ATP11B: variants seen among roughly 807,000 people sequenced by gnomAD.
ATP11B encodes ATPase phospholipid transporting 11B (putative).
In ATP11B, 81 loss-of-function variants were observed where a neutral mutation model predicts 157.8. The observed-to-expected ratio is 0.51, with a 90% CI of 0.43 to 0.62. The LOEUF (loss-of-function observed/expected upper bound fraction) is 0.62, where lower values mean the gene tolerates loss of function less well. ATP11B is among the 20% of genes least tolerant of loss of function. The pLI is 0.00. For synonymous variants in ATP11B, 451 were observed against 469.4 expected, an observed-to-expected ratio of 0.96 and a Z score of 0.51; for missense variants, 1,165 against 1,402.2, an observed-to-expected ratio of 0.83 and a Z score of 2.70.
chr3:182,845,436 G>T lies in ATP11B; in HGVS notation c.705-22G>T, dbSNP rs747650546. ...GTTTTTAATATATTCAGTGCTTTAT[G>T]GTTATTTTCTTTTTTTCCTAGACCT... On this transcript the variant is annotated intron_variant, in intron 8 of 29. Coordinates refer to ENST00000323116, the MANE Select transcript of ATP11B (RefSeq NM_014616.3). 5.1e-6 allele frequency: 8 copies of T among 1,582,460 alleles called. No homozygotes were observed. In the East Asian group the frequency reaches 1.6e-4, roughly 31 times the overall value.
chr3:182,829,268 A>G (rs1717949722), intron 3 of ATP11B, among the ~76,000 whole-genome samples: 1 of 152,170 alleles, frequency 6.6e-6, no homozygotes, highest in Admixed American at 6.5e-5. Context: ...ATGTAACAAA[A>G]TCACTTATAG....
At chr3:182,827,906 T>C (rs965448272) in intron 2 of ATP11B, among the ~76,000 whole-genome samples, 1 of 151,814 alleles carries the variant, frequency 6.6e-6, no homozygotes, top group Non-Finnish European at 1.5e-5. Flanking sequence ...TTTTCAAAAT[T>C]AAGCTAAAAT....
chr3:182,867,448 A>AT lies in ATP11B; in HGVS notation c.1688+12dup, dbSNP rs762300397. On this transcript the variant is annotated splice_donor_region_variant and intron_variant, in intron 15 of 29. Coordinates refer to ENST00000323116, the MANE Select transcript of ATP11B (RefSeq NM_014616.3). The stretch of plus-strand genomic sequence containing the variant: ...AAACTCTTGGAAAACTGGAACGGTA[A>AT]TTTTTTTTCATATATTGGAATGTTT... The AT allele has an allele frequency of 1.4e-5, 22 of 1,582,420 alleles. No homozygotes were observed. The highest frequency in any genetic ancestry group is 1.7e-5 in the Admixed American group (1 of 59,884).
At chr3:182,828,792 T>TA in intron 3 of ATP11B, among the ~76,000 whole-genome samples, 1 of 151,964 alleles carries the variant, frequency 6.6e-6, no homozygotes, top group South Asian at 2.1e-4. Flanking sequence ...TATATATGTA[T>TA]ATAAAATCAA....
chr3:182,882,125 G>A (rs1053805185), intron 21 of ATP11B, among the ~76,000 whole-genome samples: 1 of 152,104 alleles, frequency 6.6e-6, no homozygotes, highest in Non-Finnish European at 1.5e-5. Context: ...GCTAATTCCT[G>A]TTCTGGAATA....
chr3:182,820,185 ATAAAGC>A, intron 1 of ATP11B, 69 bp from the exon 2 acceptor site: 2 of 965,252 alleles, frequency 2.1e-6, no homozygotes, highest in Non-Finnish European at 1.7e-6. Flanking sequence ...GACCAGCTAA[ATAAAGC>A]TAACAGTAAA....
rs1369650759 is a variant in ATP11B, at chr3:182,865,590, T to C, written c.1335T>C (p.Ser445=). ...RLVPEGPTPD[S]SEGNLSYLSS... ...TACCCGAAGGACCAACACCAGACTC[T>C]TCAGAAGGAAACTTATCTTATCTTA... is the stretch of plus-strand genomic sequence containing the variant. The change falls in exon 13 of 30, where the codon TCT becomes TCC. Residue 445 remains serine, a synonymous_variant. Transcript: ENST00000323116. 4 of 1,613,898 alleles carry C rather than the reference T, an allele frequency of 2.5e-6. No individual in the cohort carries two copies. The South Asian group carries it at 4.4e-5, about 18-fold the overall frequency.
chr3:182,910,743 A>C (rs1724720699), intron 28 of ATP11B, among the ~76,000 whole-genome samples: 1 of 152,184 alleles, frequency 6.6e-6, no homozygotes, highest in African/African-American at 2.4e-5. Flanking sequence ...ACCAGCTTTG[A>C]GCAAAGCACA....
At position 182,898,625 on chromosome 3, in the gene ATP11B, G is replaced by A. The variant is rs201824490; in HGVS notation, c.3171G>A (p.Gln1057=). 3.1e-6 allele frequency: 5 copies of A among 1,597,748 alleles called. No homozygotes were observed. In the South Asian group the frequency reaches 4.6e-5, roughly 15 times the overall value. ...GGILWPFLGS[Q]NMYFVFIQLL... is the part of the protein sequence containing the mutation. Reference sequence around the variant, plus strand: ...TTTGCAGGCCATTTTTGGGCTCCCAGAATATGTATTTTGTGTTTATTCAGC... The same window carrying A: ...TTTGCAGGCCATTTTTGGGCTCCCAAAATATGTATTTTGTGTTTATTCAGC... The change falls in exon 28 of 30, where the codon CAG becomes CAA. Residue 1057 remains glutamine (Q), a synonymous_variant. Transcript: ENST00000323116.
At chr3:182,899,746 CTAGT>C (rs1437589100) in intron 28 of ATP11B, among the ~76,000 whole-genome samples, 3 of 152,086 alleles carry the variant, frequency 2.0e-5, no homozygotes, top group African/African-American at 7.2e-5. Flanking sequence ...TGTTACCTTT[CTAGT>C]GAAGATTAAA....
intron 5 of ATP11B, 80 bp from the exon 6 acceptor site, chr3:182,836,262 C>G: frequency 1.3e-6 from 2 of 1,581,254 alleles, no homozygotes. Context: ...CTGTGATAGG[C>G]TGCTTCTTTA....
rs1476827078 is a variant in ATP11B at position 182,793,691 on chromosome 3, C to T, written c.-69C>T. 3.5e-6 allele frequency: 4 copies of T among 1,154,824 alleles called. No individual in the cohort carries two copies. Among genetic ancestry groups the T allele is most frequent in the Non-Finnish European group, 4.7e-6 (4 of 849,074 alleles). The allele number at this position is 1,154,824 out of a possible 1,614,324, so 71.5% of individuals were successfully genotyped here. A position where few individuals can be genotyped will look rare whatever the true frequency, so the allele number is the denominator to read the frequency against. On this transcript the variant is annotated 5_prime_UTR_variant, in exon 1 of 30. Transcript: ENST00000323116. ...GGGGCTCGCCCGCTCCCGCCTCTGTCTTGTCGGCCTCCACCTGCAGCCCCG... is the reference window on the plus strand; with the variant it reads ...GGGGCTCGCCCGCTCCCGCCTCTGTTTTGTCGGCCTCCACCTGCAGCCCCG...
chr3:182,869,856 A>G lies in ATP11B; in HGVS notation c.1866+525A>G, dbSNP rs77719347. 3.9e-4 allele frequency among the ~76,000 whole-genome samples: 59 copies of G among 152,368 alleles called. No individual in the cohort carries two copies. In the East Asian group the frequency reaches 0.011, roughly 29 times the overall value. On this transcript the variant is annotated intron_variant, in intron 17 of 29. Transcript: ENST00000323116. ...AATAGCCACAAAAATGGAAAACCCC[A>G]AATGTCCAGCTAACAAGTGGATAGG...
At chr3:182,813,361 A>C (rs1716783849) in intron 1 of ATP11B, among the ~76,000 whole-genome samples, 1 of 152,134 alleles carries the variant, frequency 6.6e-6, no homozygotes, top group African/African-American at 2.4e-5. Context: ...CAGTTTCTCC[A>C]CATTTTTGCC....
chr3:182,842,913 A>G (rs1719164946), intron 8 of ATP11B, among the ~76,000 whole-genome samples: 1 of 152,244 alleles, frequency 6.6e-6, no homozygotes, highest in Non-Finnish European at 1.5e-5. Context: ...CCAGTCTATC[A>G]TAGTGGATAA....
Position 182,914,682 on chromosome 3 carries a change from A to G in ATP11B, c.3452+688A>G, listed in dbSNP as rs1725024228. Reference sequence around the variant, plus strand: ...TAAATCTGTTTCTTGAATGAGATTTATCACCATGCCTGCTGTTGTGCACCA... The same window carrying G: ...TAAATCTGTTTCTTGAATGAGATTTGTCACCATGCCTGCTGTTGTGCACCA... On this transcript the variant is annotated intron_variant, in intron 29 of 29. Transcript: ENST00000323116. 6.1e-6 allele frequency: 6 copies of G among 985,338 alleles called. 1 individual carries two copies. In the South Asian group the frequency reaches 2.8e-4, roughly 46 times the overall value. 61.0% of individuals were successfully genotyped at this position (985,338 alleles called of 1,614,324 possible).
chr3:182,906,524 G>T (rs978439988), intron 28 of ATP11B, among the ~76,000 whole-genome samples: 2 of 152,040 alleles, frequency 1.3e-5, no homozygotes, highest in Non-Finnish European at 2.9e-5. Flanking sequence ...GCTCACTGCA[G>T]CCTCGACCTC....
intron 8 of ATP11B, among the ~76,000 whole-genome samples, chr3:182,842,587 C>T (rs1406606316): frequency 4.0e-5 from 6 of 151,894 alleles, no homozygotes; most frequent in African/African-American, 1.5e-4. Flanking sequence ...CAGGAAGGAC[C>T]CTCTCTGGGG....
chr3:182,897,096 CAAA>C (rs1723603008), intron 26 of ATP11B, among the ~76,000 whole-genome samples: 1 of 151,968 alleles, frequency 6.6e-6, no homozygotes, highest in African/African-American at 2.4e-5. Context: ...GCTGTTTCCT[CAAA>C]GAAGAAAAAC....
Sources: gnomAD v4.1 joint callset for allele counts (sites outside exome capture counted in the v4.1 genomes callset) on GRCh38, gnomAD v4.1.1 for gene constraint, MANE v1.5 for transcripts, NCBI Gene and HGNC (gene_info 2026-07-23, HGNC 2026-07-21) for gene names.